Variants in SLC27A2 observed in about 807,000 individuals in gnomAD.
The protein encoded by SLC27A2 is long-chain fatty acid transport protein 2.
In SLC27A2, 54 loss-of-function variants were observed where a neutral mutation model predicts 60.0. The ratio of observed to expected loss-of-function variants is 0.90; its 90% CI spans 0.72 to 1.13. The LOEUF (loss-of-function observed/expected upper bound fraction) is 1.13, where lower values mean the gene tolerates loss of function less well. Among genes scored for constraint, SLC27A2 ranks in the 50% most tolerant of loss-of-function variants. The pLI is 0.00. For synonymous variants in SLC27A2, 297 were observed against 297.6 expected, an observed-to-expected ratio of 1.00 and a Z score of 0.02; for missense variants, 739 against 777.6, an observed-to-expected ratio of 0.95 and a Z score of 0.59.
Position 50,235,858 on chromosome 15 carries a change from T to TGC in SLC27A2, c.1687-61_1687-60dup, listed in dbSNP as rs2045348099. 4.2e-5 allele frequency: 58 copies of TGC among 1,389,078 alleles called. No individual in the cohort carries two copies. The South Asian group carries it at 7.2e-4, about 17-fold the overall frequency. 86.0% of individuals were successfully genotyped at this position (1,389,078 alleles called of 1,614,324 possible). ...ATCCCCATGCCCCACCCCTACCCCTTGCTCTGCATCCTAATCTATTGCAAA... is the reference window on the plus strand; with the variant it reads ...ATCCCCATGCCCCACCCCTACCCCTTGCGCTCTGCATCCTAATCTATTGCAAA... On this transcript the variant is annotated intron_variant, in intron 9 of 9. Transcript: ENST00000267842.
At chr15:50,231,011 G>T (rs2045313121) in intron 8 of SLC27A2, among the ~76,000 whole-genome samples, 1 of 152,126 alleles carries the variant, frequency 6.6e-6, no homozygotes, top group South Asian at 2.1e-4. Context: ...AACTGTGCTG[G>T]CACAAACACC....
intron 1 of SLC27A2, chr15:50,190,958 G>A (rs1263069436): frequency 6.6e-6 from 1 of 152,198 alleles, no homozygotes; most frequent in Non-Finnish European, 1.5e-5. Flanking sequence ...AACAAGCACT[G>A]AGCAGAAGGC....
rs945742451 is a variant in SLC27A2, at chr15:50,182,277, C to G, written c.-151C>G. 45 of 1,222,454 alleles carry G rather than the reference C, an allele frequency of 3.7e-5. 1 individual carries two copies. In the South Asian group the frequency reaches 4.4e-4, roughly 12 times the overall value. The allele number at this position is 1,222,454 out of a possible 1,614,324, so 75.7% of individuals were successfully genotyped here. On this transcript the variant is annotated 5_prime_UTR_variant, in exon 1 of 10. Coordinates refer to ENST00000267842, the MANE Select transcript of SLC27A2 (RefSeq NM_003645.4). ...CGGCGGTACCTGCAGCGGAGGAGCT[C>G]TGTCTTCCCCTTCATCTCACGCGAG...
chr15:50,197,537 T>TA lies in SLC27A2; in HGVS notation c.522dup (p.Asp175ArgfsTer2). ...CTGTCGAAGAGATACTGCCAAGCCT[T>TA]AAAAAAGATGATGTGTCCATCTATT... On this transcript the variant is annotated frameshift_variant, in exon 2 of 10. Coordinates refer to ENST00000267842, the MANE Select transcript of SLC27A2 (RefSeq NM_003645.4). LOFTEE classifies it high-confidence loss of function. 1 of 1,614,056 alleles carries TA rather than the reference T, an allele frequency of 6.2e-7. No individual in the cohort carries two copies. The highest frequency in any genetic ancestry group is 8.5e-7 in the Non-Finnish European group (1 of 1,179,948).
chr15:50,191,039 G>T (rs538414549), intron 1 of SLC27A2: 20 of 152,314 alleles, frequency 1.3e-4, no homozygotes, highest in African/African-American at 4.8e-4. Context: ...ATACAAGGAG[G>T]TGGGAACCTC....
At chr15:50,199,276 C>A (rs2045046814) in intron 2 of SLC27A2, among the ~76,000 whole-genome samples, 2 of 151,412 alleles carry the variant, frequency 1.3e-5, no homozygotes, top group African/African-American at 4.9e-5. Flanking sequence ...AGATCAAGAC[C>A]ATGCTGGCTA....
rs575677843 is a variant in SLC27A2 at position 50,182,719 on chromosome 15, C to T, written c.292C>T (p.His98Tyr). 2 of 1,613,886 alleles carry T rather than the reference C, an allele frequency of 1.2e-6. No homozygotes were observed. Among genetic ancestry groups the T allele is most frequent in the East Asian group, 4.5e-5 (2 of 44,876 alleles). The change falls in exon 1 of 10, where the codon CAC becomes TAC. Residue 98 changes from histidine (H) to tyrosine (Y), a missense_variant. By Grantham distance (83) the His-to-Tyr change is moderately conservative. Transcript: ENST00000267842. ...TCAAGTGGCCCGGGCGCTGCACGAC[C>T]ACCTCGGCCTGCGCCAGGGAGACTG... ...SNQVARALHDHLGLRQGDCVA... is the reference protein window; with the variant it reads ...SNQVARALHDYLGLRQGDCVA...
chr15:50,199,630 G>A (rs2045049686), intron 2 of SLC27A2, among the ~76,000 whole-genome samples: 1 of 152,062 alleles, frequency 6.6e-6, no homozygotes, highest in Non-Finnish European at 1.5e-5. Context: ...CATTTTCTCT[G>A]AATCAAATAT....
intron 4 of SLC27A2, among the ~76,000 whole-genome samples, chr15:50,219,299 G>A (rs975204496): frequency 6.6e-6 from 1 of 152,194 alleles, no homozygotes; most frequent in Non-Finnish European, 1.5e-5. Context: ...GCCTCTGGGT[G>A]GTAAACTGGG....
chr15:50,235,841 GC>G, intron 9 of SLC27A2, 78 bp from the exon 10 acceptor site: 1 of 1,030,388 alleles, frequency 9.7e-7, no homozygotes, highest in Non-Finnish European at 1.4e-6. Flanking sequence ...AGATCCCCAT[GC>G]CCCACCCCTA....
chr15:50,186,613 A>C (rs888132004), intron 1 of SLC27A2, among the ~76,000 whole-genome samples: 6 of 152,038 alleles, frequency 3.9e-5, no homozygotes, highest in African/African-American at 1.2e-4. Flanking sequence ...AATTTTTGTT[A>C]TTATCAGTAG....
chr15:50,230,842 G>A (rs562511370), intron 8 of SLC27A2, among the ~76,000 whole-genome samples: 10 of 152,216 alleles, frequency 6.6e-5, no homozygotes, highest in Non-Finnish European at 8.8e-5. Flanking sequence ...TGTGTGAGGT[G>A]AGAGAATCTA....
Position 50,236,064 on chromosome 15 carries a change from A to C in SLC27A2, c.1831A>C (p.Asn611His). 1.9e-6 allele frequency: 3 copies of C among 1,612,438 alleles called. No homozygotes were observed. Among genetic ancestry groups the C allele is most frequent in the Non-Finnish European group, 1.7e-6 (2 of 1,179,106 alleles). ...MYVPMTEDIYNAISAKTLKL is the reference protein window; with the variant it reads ...MYVPMTEDIYHAISAKTLKL ...TGTGCCTATGACTGAGGACATCTAT[A>C]ATGCCATAAGTGCTAAAACCCTGAA... The change falls in exon 10 of 10, where the codon AAT (asparagine) becomes CAT (histidine). Residue 611 changes from asparagine (N) to histidine (H), a missense_variant. Asn to His is a moderately conservative substitution (Grantham distance 68). Transcript: ENST00000267842.
Position 50,191,975 on chromosome 15 carries a change from G to A in SLC27A2, c.479-5525G>A, listed in dbSNP as rs373878059. ...CTCGGGAGGCTGAGGCAGGAGAGCC[G>A]CTTGAACCCAGGAGGCAGAGATTGC... On this transcript the variant is annotated intron_variant, in intron 1 of 9. Coordinates refer to ENST00000267842, the MANE Select transcript of SLC27A2 (RefSeq NM_003645.4). Among the ~76,000 whole-genome samples, 34 of 151,566 alleles carry A rather than the reference G, an allele frequency of 2.2e-4. No homozygotes were observed. The East Asian group carries it at 5.7e-3, about 25-fold the overall frequency.
At chr15:50,206,829 G>A (rs1478262281) in intron 4 of SLC27A2, among the ~76,000 whole-genome samples, 1 of 152,186 alleles carries the variant, frequency 6.6e-6, no homozygotes, top group Non-Finnish European at 1.5e-5. Context: ...GTGTAGTTGA[G>A]TTGAGGGAGC....
At chr15:50,232,841 C>T (rs775562024) in intron 8 of SLC27A2, among the ~76,000 whole-genome samples, 1 of 152,134 alleles carries the variant, frequency 6.6e-6, no homozygotes, top group Non-Finnish European at 1.5e-5. Context: ...TTTCCTTTTG[C>T]TGTTTGCCTT....
At chr15:50,201,853 C>T (rs1169776598) in intron 2 of SLC27A2, among the ~76,000 whole-genome samples, 2 of 152,076 alleles carry the variant, frequency 1.3e-5, no homozygotes, top group South Asian at 2.1e-4. Context: ...CCGCGCCTGG[C>T]CAAGTGTGCA....
At chr15:50,202,155 T>C (rs1470758088) in intron 2 of SLC27A2, among the ~76,000 whole-genome samples, 2 of 152,200 alleles carry the variant, frequency 1.3e-5, no homozygotes, top group African/African-American at 2.4e-5. Flanking sequence ...AATCTATGGC[T>C]TGTGGGCCAA....
chr15:50,206,718 T>C (rs1029264250), intron 4 of SLC27A2, among the ~76,000 whole-genome samples: 7 of 152,214 alleles, frequency 4.6e-5, no homozygotes, highest in Admixed American at 4.6e-4. Flanking sequence ...GCAGGGGCTC[T>C]GTCCACTACC....
Sources: gnomAD v4.1 joint callset for allele counts (sites outside exome capture counted in the v4.1 genomes callset) on GRCh38, gnomAD v4.1.1 for gene constraint, MANE v1.5 for transcripts, NCBI Gene and HGNC (gene_info 2026-07-23, HGNC 2026-07-21) for gene names.